The following GON4L variants were observed in gnomAD, a reference collection of about 807,000 sequenced individuals.
GON4L encodes GON-4-like protein.
In GON4L, 87 loss-of-function variants were observed where a neutral mutation model predicts 211.8. That is an observed-to-expected ratio of 0.41 (90% confidence interval 0.35 to 0.49). GON4L has a LOEUF of 0.49. GON4L is among the 20% of genes least tolerant of loss of function. GON4L has a pLI of 0.15. For synonymous variants in GON4L, 875 were observed against 962.6 expected, an observed-to-expected ratio of 0.91 and a Z score of 1.68; for missense variants, 2,155 against 2,659.5, an observed-to-expected ratio of 0.81 and a Z score of 4.17.
intron 21 of GON4L, among the ~76,000 whole-genome samples, chr1:155,764,023 C>CA (rs928492087): frequency 3.5e-4 from 8 of 23,142 alleles, no homozygotes; most frequent in Admixed American, 1.8e-3. Flanking sequence ...CAAAAACAAA[C>CA]AAAAAAAAAA....
intron 5 of GON4L, 39 bp from the exon 6 acceptor site, chr1:155,820,695 A>G: frequency 6.7e-7 from 1 of 1,485,726 alleles, no homozygotes; most frequent in Non-Finnish European, 9.4e-7. Flanking sequence ...CTCAATAAAA[A>G]TCACAGCTCA....
intron 28 of GON4L, 56 bp from the exon 29 acceptor site, chr1:155,753,470 G>T: frequency 7.5e-7 from 1 of 1,340,358 alleles, no homozygotes; most frequent in South Asian, 1.2e-5. Context: ...TCTTTGGTTG[G>T]GGCCCACCAA....
intron 2 of GON4L, among the ~76,000 whole-genome samples, chr1:155,851,758 A>G (rs1447872858): frequency 6.6e-6 from 1 of 151,822 alleles, no homozygotes; most frequent in East Asian, 1.9e-4. Flanking sequence ...TTTCTAAAGC[A>G]TAAATGTGTT....
chr1:155,745,622 T>C (rs397832810), downstream of GON4L, among the ~76,000 whole-genome samples: 45 of 151,982 alleles, frequency 3.0e-4, no homozygotes, highest in Middle Eastern at 3.4e-3. Context: ...GAGCCCCGCC[T>C]CTCGCGGCAA....
chr1:155,781,449 AATTATTATTATT>A (rs111687720), intron 14 of GON4L, among the ~76,000 whole-genome samples: 2 of 149,708 alleles, frequency 1.3e-5, no homozygotes, highest in Admixed American at 6.7e-5. Context: ...CCTGATCTAT[AATTATTATTATT>A]ATTATTATTA....
intron 6 of GON4L, among the ~76,000 whole-genome samples, chr1:155,816,517 G>GAA (rs1668250981): frequency 6.6e-6 from 1 of 152,118 alleles, no homozygotes; most frequent in African/African-American, 2.4e-5. Flanking sequence ...TATAAATGAA[G>GAA]AAAACAATGT....
In GON4L at chr1:155,784,021, C is replaced by T. The variant is rs191108900; in HGVS notation, c.1857G>A (p.Glu619=). 3.2e-5 allele frequency: 51 copies of T among 1,614,060 alleles called. No homozygotes were observed. The East Asian group carries it at 1.0e-3, about 32-fold the overall frequency. ...GAGGGGTGTTAAAGTTAGGACGAGG[C>T]TCAGCTACACACTCCTCCTCTTCTG... ...DGPEEEECVA[E]PRPNFNTPQA... The change falls in exon 14 of 32, where the codon GAG becomes GAA. Residue 619 remains glutamate (E), a synonymous_variant. Coordinates refer to ENST00000368331, the MANE Select transcript of GON4L (RefSeq NM_001282860.2).
intron 2 of GON4L, among the ~76,000 whole-genome samples, chr1:155,836,456 GC>G (rs1670325250): frequency 6.6e-6 from 1 of 152,062 alleles, no homozygotes; most frequent in Non-Finnish European, 1.5e-5. Flanking sequence ...CACCACATTG[GC>G]CAGGTTGGTC....
chr1:155,769,600 T>C (rs565783136), intron 19 of GON4L, among the ~76,000 whole-genome samples: 1 of 152,278 alleles, frequency 6.6e-6, no homozygotes, highest in East Asian at 1.9e-4. Context: ...ACCTTTACTG[T>C]TGACCTGGGA....
At chr1:155,772,306 T>C (rs1663277099) in intron 18 of GON4L, among the ~76,000 whole-genome samples, 1 of 151,460 alleles carries the variant, frequency 6.6e-6, no homozygotes, top group South Asian at 2.1e-4. Flanking sequence ...GGAAGGAGAA[T>C]AATTCTAATA....
chr1:155,748,679 T>G, downstream of GON4L: 1 of 1,613,634 alleles, frequency 6.2e-7, no homozygotes, highest in South Asian at 1.1e-5. Flanking sequence ...TGATGCAGTT[T>G]GGAGGAGCCA....
intron 6 of GON4L, among the ~76,000 whole-genome samples, chr1:155,819,807 G>A (rs1484609071): frequency 6.6e-6 from 1 of 152,194 alleles, no homozygotes; most frequent in African/African-American, 2.4e-5. Context: ...CAACACTTTA[G>A]TATTCAAAAG....
At position 155,815,787 on chromosome 1, in the gene GON4L, CAACT is replaced by C. The variant is rs148569012; in HGVS notation, c.1161+14_1161+17del. On this transcript the variant is annotated intron_variant, in intron 8 of 31. Coordinates refer to ENST00000368331, the MANE Select transcript of GON4L (RefSeq NM_001282860.2). ...CCTGCTCTATTAAGACAAATATTAC[CAACT>C]AACATTCACTGACCTCTTCAGCAGT... 1,357,060 of 1,448,880 alleles carry C rather than the reference CAACT, an allele frequency of 0.94. 639,611 individuals are homozygous for C. The highest frequency in any genetic ancestry group is 1 in the East Asian group (44,111 of 44,134). The allele number at this position is 1,448,880 out of a possible 1,614,324, so 89.8% of individuals were successfully genotyped here. A position where few individuals can be genotyped will look rare whatever the true frequency, so the allele number is the denominator to read the frequency against.
chr1:155,756,938 CAAAT>C lies in GON4L; in HGVS notation c.5517+16_5517+19del, dbSNP rs765266945. 6.3e-6 allele frequency: 10 copies of C among 1,595,232 alleles called. No homozygotes were observed. In the East Asian group the frequency reaches 8.9e-5, roughly 14 times the overall value. ...AGCGAGATTCTGTCTCAAAAACAAA[CAAAT>C]AAACAAAGAAAATACCTTATCATGA... On this transcript the variant is annotated intron_variant, in intron 27 of 31. Coordinates refer to ENST00000368331, the MANE Select transcript of GON4L (RefSeq NM_001282860.2).
chr1:155,801,050 G>A (rs1351162949), intron 11 of GON4L, among the ~76,000 whole-genome samples: 3 of 144,684 alleles, frequency 2.1e-5, no homozygotes, highest in African/African-American at 7.9e-5. Context: ...ACCCACTCGG[G>A]TCCCCTACCA....
In GON4L at chr1:155,791,448, A is replaced by C. The variant is rs183379555; in HGVS notation, c.1747+3602T>G. On this transcript the variant is annotated intron_variant, in intron 12 of 31. Coordinates refer to ENST00000368331, the MANE Select transcript of GON4L (RefSeq NM_001282860.2). ...ACACCAAGGCTTTGGAGAAGAAGAAACCTGGCAGAAGAAACTTGAAACTTT... is the reference window on the plus strand; with the variant it reads ...ACACCAAGGCTTTGGAGAAGAAGAACCCTGGCAGAAGAAACTTGAAACTTT... Among the ~76,000 whole-genome samples the C allele has an allele frequency of 9.7e-4, 148 of 151,928 alleles. 1 individual carries two copies. Among genetic ancestry groups the C allele is most frequent in the African/African-American group, 3.5e-3 (145 of 41,488 alleles).
intron 10 of GON4L, among the ~76,000 whole-genome samples, chr1:155,807,101 A>AC (rs1667202166): frequency 6.6e-6 from 1 of 151,718 alleles, no homozygotes; most frequent in Non-Finnish European, 1.5e-5. Context: ...CAAAAAAAAA[A>AC]AAAAAACAGG....
intron 11 of GON4L, among the ~76,000 whole-genome samples, chr1:155,797,670 C>G: frequency 1.8e-5 from 1 of 54,460 alleles, no homozygotes; most frequent in South Asian, 5.5e-4. Context: ...ATGGTGAGAC[C>G]CCCCCCCTCC....
chr1:155,807,559 C>T (rs1029477774), intron 10 of GON4L, among the ~76,000 whole-genome samples: 3 of 151,554 alleles, frequency 2.0e-5, no homozygotes, highest in African/African-American at 7.3e-5. Flanking sequence ...AAAAAATTAG[C>T]TGGGCATGGT....
Sources: gnomAD v4.1 joint callset for allele counts (sites outside exome capture counted in the v4.1 genomes callset) on GRCh38, gnomAD v4.1.1 for gene constraint, MANE v1.5 for transcripts, NCBI Gene and HGNC (gene_info 2026-07-23, HGNC 2026-07-21) for gene names.